SMG6: variants seen among roughly 807,000 people sequenced by gnomAD.
SMG6 encodes the protein telomerase-binding protein EST1A.
SMG6 carries 66 observed loss-of-function variants against 142.2 expected under a neutral mutation model. That is an observed-to-expected ratio of 0.46 (90% CI 0.38 to 0.57). The LOEUF (loss-of-function observed/expected upper bound fraction) is 0.57. Among genes scored for constraint, SMG6 ranks in the 20% least tolerant of loss-of-function variants. The pLI is 0.00. For missense variants in SMG6, 1,793 were observed against 1,832.0 expected, an observed-to-expected ratio of 0.98 and a Z score of 0.39; for synonymous variants, 779 against 702.4, an observed-to-expected ratio of 1.11 and a Z score of -1.72.
At chr17:2,098,668 T>C (rs1162025640) in intron 13 of SMG6, among the ~76,000 whole-genome samples, 2 of 152,210 alleles carry the variant, frequency 1.3e-5, no homozygotes, top group African/African-American at 2.4e-5. Flanking sequence ...CTCGGTCTTG[T>C]TGCCCAGGCT....
intron 8 of SMG6, among the ~76,000 whole-genome samples, chr17:2,252,432 G>A (rs912272302): frequency 3.3e-5 from 5 of 152,004 alleles, no homozygotes; most frequent in Non-Finnish European, 7.4e-5. Flanking sequence ...AAGGAGCCAC[G>A]AATATGTTCA....
At chr17:2,142,389 A>C (rs1303159292) in intron 13 of SMG6, among the ~76,000 whole-genome samples, 1 of 152,158 alleles carries the variant, frequency 6.6e-6, no homozygotes, top group Non-Finnish European at 1.5e-5. Flanking sequence ...TCATGCCTGT[A>C]ATCCCAGCAC....
At chr17:2,163,412 T>C (rs1177765064) in intron 13 of SMG6, among the ~76,000 whole-genome samples, 2 of 152,248 alleles carry the variant, frequency 1.3e-5, no homozygotes, top group East Asian at 3.9e-4. Context: ...ACTCCTGGGC[T>C]CAGGTGATCC....
At chr17:2,189,437 C>A (rs145212879) in intron 10 of SMG6, among the ~76,000 whole-genome samples, 4 of 152,178 alleles carry the variant, frequency 2.6e-5, no homozygotes, top group African/African-American at 9.7e-5. Flanking sequence ...GTCCACCACA[C>A]AGCCTCCGAG....
intron 13 of SMG6, among the ~76,000 whole-genome samples, chr17:2,090,182 C>CAAA (rs71150849): frequency 5.2e-5 from 5 of 96,662 alleles, no homozygotes; most frequent in Non-Finnish European, 8.0e-5. Context: ...GACTCTGTCT[C>CAAA]AAAAAAAAAA....
At chr17:2,141,206 T>C (rs1233251384) in intron 13 of SMG6, among the ~76,000 whole-genome samples, 1 of 152,244 alleles carries the variant, frequency 6.6e-6, no homozygotes, top group Non-Finnish European at 1.5e-5. Context: ...CTTTCCATCA[T>C]TACAGTACTA....
In SMG6 at chr17:2,216,514, C is replaced by G. The variant is rs142151773; in HGVS notation, c.2869+19978G>C. Among the ~76,000 whole-genome samples the G allele has an allele frequency of 7.8e-3, 1,182 of 152,264 alleles. 11 individuals are homozygous for G. Among genetic ancestry groups the G allele is most frequent in the African/African-American group, 0.027 (1,122 of 41,544 alleles). The stretch of plus-strand genomic sequence containing the variant: ...ATAATTCTAAGGTATTAACATTTTG[C>G]AAGGCACAAATACTTACCTATAAGA... On this transcript the variant is annotated intron_variant, in intron 10 of 18. Transcript: ENST00000263073.
chr17:2,176,659 C>A (rs1435884888), intron 12 of SMG6, among the ~76,000 whole-genome samples: 1 of 152,122 alleles, frequency 6.6e-6, no homozygotes. Context: ...GGGAGTCTCT[C>A]AGCAGCTGTG....
Position 2,060,087 on chromosome 17 carries a change from TC to T in SMG6, c.*1404del, listed in dbSNP as rs1374095583. 1.3e-5 allele frequency: 2 copies of T among 152,968 alleles called. No individual in the cohort carries two copies. Among genetic ancestry groups the T allele is most frequent in the Non-Finnish European group, 2.9e-5 (2 of 68,644 alleles). The allele number at this position is 152,968 out of a possible 1,614,324, so 9.5% of individuals were successfully genotyped here. On this transcript the variant is annotated 3_prime_UTR_variant, in exon 19 of 19. Transcript: ENST00000263073. ...CGGTACCCCATCGCTTCTGGCATAG[TC>T]CTGGGCCTCAGGGAGGGCAGAGCTG...
chr17:2,229,688 C>T (rs749668139), intron 10 of SMG6, among the ~76,000 whole-genome samples: 1 of 152,138 alleles, frequency 6.6e-6, no homozygotes, highest in Non-Finnish European at 1.5e-5. Flanking sequence ...ACTGGTCACG[C>T]CCTCTGAAAA....
intron 8 of SMG6, among the ~76,000 whole-genome samples, chr17:2,251,287 G>A (rs1047155954): frequency 5.9e-5 from 9 of 151,424 alleles, no homozygotes; most frequent in African/African-American, 1.9e-4. Flanking sequence ...AAAAAAGCAC[G>A]GGAAAACCAA....
chr17:2,152,493 C>T (rs1403343502), intron 13 of SMG6, among the ~76,000 whole-genome samples: 1 of 152,170 alleles, frequency 6.6e-6, no homozygotes, highest in Non-Finnish European at 1.5e-5. Context: ...ATAAAGACCT[C>T]TCAAGACTCA....
At chr17:2,262,021 C>A (rs138291247) in intron 8 of SMG6, among the ~76,000 whole-genome samples, 5 of 152,250 alleles carry the variant, frequency 3.3e-5, no homozygotes, top group Non-Finnish European at 5.9e-5. Flanking sequence ...ATTTGTGGCA[C>A]AAGTAAACTC....
intron 13 of SMG6, among the ~76,000 whole-genome samples, chr17:2,127,138 CAAAAAAAAAAAA>C (rs941523968): frequency 2.0e-5 from 1 of 51,260 alleles, no homozygotes; most frequent in Non-Finnish European, 4.1e-5. Context: ...GACCTTGTCT[CAAAAAAAAAAAA>C]AAAAAAAAAA....
chr17:2,274,599 C>T (rs1294126361), intron 8 of SMG6, among the ~76,000 whole-genome samples: 3 of 152,176 alleles, frequency 2.0e-5, no homozygotes, highest in Non-Finnish European at 2.9e-5. Flanking sequence ...TTAGGAGCTT[C>T]TATGGTACAG....
At chr17:2,144,049 C>CTTTTTTTT (rs57316349) in intron 13 of SMG6, among the ~76,000 whole-genome samples, 1 of 65,102 alleles carries the variant, frequency 1.5e-5, no homozygotes, top group East Asian at 5.5e-4. Flanking sequence ...ACCACGGCCG[C>CTTTTTTTT]TTTTTTTTTT....
At chr17:2,143,319 AAAC>A (rs1368194758) in intron 13 of SMG6, among the ~76,000 whole-genome samples, 1 of 152,232 alleles carries the variant, frequency 6.6e-6, no homozygotes, top group Non-Finnish European at 1.5e-5. Flanking sequence ...CAAAAAATGC[AAAC>A]AACCTAAATG....
chr17:2,186,444 G>C (rs1345708754), intron 12 of SMG6, among the ~76,000 whole-genome samples: 2 of 152,094 alleles, frequency 1.3e-5, no homozygotes, highest in Admixed American at 1.3e-4. Context: ...AGAGGAAAAA[G>C]AGAGTGTGAG....
At chr17:2,255,403 C>CAAAAAAAAAAA (rs60136702) in intron 8 of SMG6, among the ~76,000 whole-genome samples, 1 of 73,574 alleles carries the variant, frequency 1.4e-5, no homozygotes. Flanking sequence ...GACTCCGTCT[C>CAAAAAAAAAAA]AAAAAAAAAA....
Sources: gnomAD v4.1 joint callset for allele counts (sites outside exome capture counted in the v4.1 genomes callset) on GRCh38, gnomAD v4.1.1 for gene constraint, MANE v1.5 for transcripts, NCBI Gene and HGNC (gene_info 2026-07-23, HGNC 2026-07-21) for gene names.